LRRTM4: variants seen among roughly 807,000 people sequenced by gnomAD.
LRRTM4 encodes the protein leucine rich repeat transmembrane neuronal 4.
LRRTM4 carries 25 observed loss-of-function variants against 47.6 expected under a neutral mutation model. The observed-to-expected ratio is 0.53, with a 90% CI of 0.38 to 0.73. LRRTM4 has a LOEUF of 0.73. Among genes scored for constraint, LRRTM4 ranks in the 30% least tolerant of loss-of-function variants. The pLI is 0.00. For missense variants in LRRTM4, 638 were observed against 713.4 expected (o/e 0.89, Z 1.20); for synonymous variants, 311 against 269.5 (o/e 1.15, Z -1.51).
intron 3 of LRRTM4, among the ~76,000 whole-genome samples, chr2:77,295,219 T>G (rs1169937580): frequency 1.3e-5 from 2 of 152,160 alleles, no homozygotes; most frequent in Non-Finnish European, 2.9e-5. Context: ...TACTTATTAC[T>G]TTAAGAACAC....
chr2:77,092,204 G>A (rs1027470510), intron 3 of LRRTM4, among the ~76,000 whole-genome samples: 4 of 152,104 alleles, frequency 2.6e-5, no homozygotes, highest in African/African-American at 4.8e-5. Context: ...CACAATTACT[G>A]TTGTTCCTGA....
intron 3 of LRRTM4, among the ~76,000 whole-genome samples, chr2:76,775,798 G>A (rs923410708): frequency 6.6e-6 from 1 of 151,874 alleles, no homozygotes; most frequent in African/African-American, 2.4e-5. Context: ...GGGTACATGT[G>A]CATATTGTGC....
chr2:76,949,263 T>A (rs2103881890), intron 3 of LRRTM4, among the ~76,000 whole-genome samples: 1 of 151,996 alleles, frequency 6.6e-6, no homozygotes, highest in Non-Finnish European at 1.5e-5. Context: ...AATAAATGAA[T>A]AGTTATCAAG....
At chr2:77,324,216 T>C (rs1468835696) in intron 3 of LRRTM4, among the ~76,000 whole-genome samples, 3 of 152,112 alleles carry the variant, frequency 2.0e-5, no homozygotes, top group African/African-American at 7.2e-5. Flanking sequence ...TCTCGACAAA[T>C]ATTTATTAAG....
At chr2:77,113,720 C>A (rs1443860614) in intron 3 of LRRTM4, among the ~76,000 whole-genome samples, 3 of 151,774 alleles carry the variant, frequency 2.0e-5, no homozygotes, top group Non-Finnish European at 2.9e-5. Context: ...GAGAAGCAGC[C>A]TGAGTGGATG....
At chr2:76,873,482 ATGTG>A (rs563234887) in intron 3 of LRRTM4, among the ~76,000 whole-genome samples, 4,467 of 130,204 alleles carry the variant, frequency 0.034, 145 homozygotes, top group East Asian at 0.088. Flanking sequence ...GTATATATAT[ATGTG>A]TGTGTGTATA....
At chr2:77,093,684 C>T (rs1392871004) in intron 3 of LRRTM4, among the ~76,000 whole-genome samples, 2 of 151,890 alleles carry the variant, frequency 1.3e-5, no homozygotes, top group African/African-American at 4.9e-5. Flanking sequence ...CCTCTGAGCC[C>T]AAGCCAAGCC....
At chr2:77,198,160 C>T (rs991487585) in intron 3 of LRRTM4, among the ~76,000 whole-genome samples, 5 of 152,166 alleles carry the variant, frequency 3.3e-5, no homozygotes, top group Non-Finnish European at 1.5e-5. Context: ...TCTACAAGAC[C>T]TTGGGCGACT....
intron 3 of LRRTM4, among the ~76,000 whole-genome samples, chr2:77,253,478 A>G (rs1675678433): frequency 6.6e-6 from 1 of 152,132 alleles, no homozygotes; most frequent in Non-Finnish European, 1.5e-5. Context: ...ACCCTGAACT[A>G]TATTTAAATG....
chr2:76,788,946 T>C (rs1674825183), intron 3 of LRRTM4, among the ~76,000 whole-genome samples: 1 of 152,196 alleles, frequency 6.6e-6, no homozygotes, highest in African/African-American at 2.4e-5. Context: ...AAGGTTTTAT[T>C]TTCTACATTG....
chr2:77,018,259 C>CTTTTTCTTTTTT (rs1678142328), intron 3 of LRRTM4, among the ~76,000 whole-genome samples: 1 of 75,036 alleles, frequency 1.3e-5, no homozygotes, highest in Non-Finnish European at 2.4e-5. Context: ...CTCTTGATTG[C>CTTTTTCTTTTTT]TTTTTTTTTT....
chr2:77,409,731 G>T (rs1231475826), intron 3 of LRRTM4, among the ~76,000 whole-genome samples: 1 of 152,156 alleles, frequency 6.6e-6, no homozygotes, highest in East Asian at 1.9e-4. Flanking sequence ...TTAAGTAAAA[G>T]AGTTTATTTT....
chr2:77,049,569 C>G (rs183710854), intron 3 of LRRTM4, among the ~76,000 whole-genome samples: 217 of 151,936 alleles, frequency 1.4e-3, no homozygotes, highest in Middle Eastern at 6.8e-3. Context: ...TTTGAGATAC[C>G]TGTTGACCGT....
chr2:76,930,782 G>T (rs149790295), intron 3 of LRRTM4, among the ~76,000 whole-genome samples: 8 of 152,184 alleles, frequency 5.3e-5, no homozygotes, highest in African/African-American at 1.9e-4. Flanking sequence ...GTAAAATAAT[G>T]ATAAATGGTT....
At chr2:77,202,502 A>G (rs1450070575) in intron 3 of LRRTM4, among the ~76,000 whole-genome samples, 3 of 152,008 alleles carry the variant, frequency 2.0e-5, no homozygotes, top group Non-Finnish European at 4.4e-5. Context: ...ACTTCTTTGG[A>G]AGTGATCAAC....
intron 3 of LRRTM4, among the ~76,000 whole-genome samples, chr2:77,105,529 G>A (rs1041586173): frequency 7.9e-6 from 1 of 126,868 alleles, no homozygotes; most frequent in African/African-American, 2.9e-5. Flanking sequence ...GGAGGGGGGA[G>A]GGATAGCATT....
intron 3 of LRRTM4, among the ~76,000 whole-genome samples, chr2:76,955,535 G>A (rs1196950728): frequency 2.0e-5 from 3 of 151,724 alleles, no homozygotes; most frequent in African/African-American, 7.3e-5. Flanking sequence ...GAAGCAAGAG[G>A]AGAGGGTAAA....
At chr2:77,376,328 G>T (rs778662253) in intron 3 of LRRTM4, among the ~76,000 whole-genome samples, 40 of 151,204 alleles carry the variant, frequency 2.6e-4, no homozygotes, top group Non-Finnish European at 4.6e-4. Flanking sequence ...TTCACAAAAC[G>T]ATATTACATT....
intron 3 of LRRTM4, among the ~76,000 whole-genome samples, chr2:77,206,795 A>C (rs983120642): frequency 7.2e-5 from 11 of 151,970 alleles, no homozygotes; most frequent in Non-Finnish European, 1.3e-4. Flanking sequence ...AAAACTTATA[A>C]ATTTTAATTT....
Sources: allele counts gnomAD v4.1 joint callset (sites outside exome capture counted in the v4.1 genomes callset), GRCh38; gene constraint gnomAD v4.1.1; transcripts MANE v1.5; gene names NCBI Gene and HGNC (gene_info 2026-07-23, HGNC 2026-07-21).